SIPA1L1: variants seen among roughly 807,000 people sequenced by gnomAD.
SIPA1L1 encodes signal-induced proliferation-associated 1-like protein 1.
Under a neutral mutation model 162.7 loss-of-function variants are expected in SIPA1L1, and 26 were observed. The ratio of observed to expected loss-of-function variants is 0.16; its 90% CI spans 0.12 to 0.22. The LOEUF is 0.22. Ranked by LOEUF, SIPA1L1 falls within the 10% of genes least tolerant of loss-of-function variation. The pLI, the probability that SIPA1L1 is intolerant of heterozygous loss-of-function variation, is 1.00. For missense variants in SIPA1L1, 1,874 were observed against 2,241.0 expected (o/e 0.84, Z 3.31); for synonymous variants, 829 against 837.4 (o/e 0.99, Z 0.17).
chr14:71,645,852 G>C (rs2042111437), intron 7 of SIPA1L1, among the ~76,000 whole-genome samples: 1 of 152,202 alleles, frequency 6.6e-6, no homozygotes, highest in African/African-American at 2.4e-5. Flanking sequence ...AGATGCTCAA[G>C]AGTTCACAGT....
At chr14:71,409,103 A>G (rs985589268) in intron 2 of SIPA1L1, among the ~76,000 whole-genome samples, 1 of 152,126 alleles carries the variant, frequency 6.6e-6, no homozygotes, top group African/African-American at 2.4e-5. Context: ...CAGGTTCAAC[A>G]TTCTGTTGCT....
At chr14:71,517,988 G>A (rs36052007) in intron 3 of SIPA1L1, among the ~76,000 whole-genome samples, 6 of 151,952 alleles carry the variant, frequency 3.9e-5, no homozygotes, top group Non-Finnish European at 8.8e-5. Flanking sequence ...AGAATGAGGC[G>A]AGCTGCAGTG....
intron 2 of SIPA1L1, among the ~76,000 whole-genome samples, chr14:71,486,151 C>T (rs1468068789): frequency 2.6e-5 from 4 of 152,170 alleles, no homozygotes; most frequent in Non-Finnish European, 5.9e-5. Context: ...TTTTAATACC[C>T]TAAATGTATT....
At chr14:71,341,919 C>T (rs759460246) in intron 2 of SIPA1L1, among the ~76,000 whole-genome samples, 10 of 152,082 alleles carry the variant, frequency 6.6e-5, no homozygotes, top group Non-Finnish European at 1.0e-4. Context: ...ATGAACACCT[C>T]CTTTGATTCC....
At chr14:71,544,682 G>C (rs986885216) in intron 4 of SIPA1L1, among the ~76,000 whole-genome samples, 3 of 151,872 alleles carry the variant, frequency 2.0e-5, no homozygotes, top group African/African-American at 7.3e-5. Flanking sequence ...CTGTTTTCCT[G>C]TTTCTATCTA....
At chr14:71,516,662 A>ACTTTTTT (rs1269447677) in intron 3 of SIPA1L1, among the ~76,000 whole-genome samples, 4 of 150,708 alleles carry the variant, frequency 2.7e-5, no homozygotes, top group Admixed American at 6.6e-5. Context: ...TGTGAGACTT[A>ACTTTTTT]CTTTTTTTAA....
chr14:71,513,945 T>G (rs892769943), intron 3 of SIPA1L1, among the ~76,000 whole-genome samples: 5 of 152,186 alleles, frequency 3.3e-5, no homozygotes, highest in African/African-American at 1.2e-4. Flanking sequence ...CCTCCGCTGT[T>G]GCTCTAAAGG....
intron 2 of SIPA1L1, among the ~76,000 whole-genome samples, chr14:71,384,166 T>C (rs1192336741): frequency 6.6e-6 from 1 of 152,222 alleles, no homozygotes; most frequent in Admixed American, 6.5e-5. Flanking sequence ...TATTGCTGAA[T>C]AAAGATCAGA....
At chr14:71,461,319 C>T (rs952111959) in intron 2 of SIPA1L1, among the ~76,000 whole-genome samples, 1 of 152,178 alleles carries the variant, frequency 6.6e-6, no homozygotes, top group African/African-American at 2.4e-5. Flanking sequence ...CCAGGACAGC[C>T]TTGGTGAGTG....
At chr14:71,703,714 G>T (rs1820605655) in intron 15 of SIPA1L1, among the ~76,000 whole-genome samples, 1 of 152,096 alleles carries the variant, frequency 6.6e-6, no homozygotes, top group Admixed American at 6.6e-5. Flanking sequence ...GCTTTTTTTG[G>T]CTCCTAGTGC....
At chr14:71,697,995 T>G (rs2081780981) in intron 13 of SIPA1L1, among the ~76,000 whole-genome samples, 1 of 151,472 alleles carries the variant, frequency 6.6e-6, no homozygotes, top group African/African-American at 2.4e-5. Context: ...TAGCATGGAG[T>G]GCAGTGGGCT....
At chr14:71,464,841 C>T (rs1343680222) in intron 2 of SIPA1L1, among the ~76,000 whole-genome samples, 1 of 152,134 alleles carries the variant, frequency 6.6e-6, no homozygotes, top group Non-Finnish European at 1.5e-5. Context: ...GTGTAGCGCA[C>T]CCCGTCATGG....
intron 12 of SIPA1L1, among the ~76,000 whole-genome samples, chr14:71,674,296 G>C (rs566590914): frequency 6.6e-6 from 1 of 152,240 alleles, no homozygotes; most frequent in South Asian, 2.1e-4. Context: ...TGGGTGGGAT[G>C]AGACAACAGT....
At chr14:71,644,265 C>T (rs1238551961) in intron 7 of SIPA1L1, among the ~76,000 whole-genome samples, 1 of 152,070 alleles carries the variant, frequency 6.6e-6, no homozygotes, top group Non-Finnish European at 1.5e-5. Context: ...CAGGGTTGCA[C>T]TCTATTGCCC....
At chr14:71,482,721 A>G (rs148768867) in intron 2 of SIPA1L1, among the ~76,000 whole-genome samples, 26 of 152,294 alleles carry the variant, frequency 1.7e-4, no homozygotes, top group Non-Finnish European at 3.5e-4. Context: ...GATCTTATGG[A>G]GATGAGTCCT....
At chr14:71,386,946 A>G (rs1372760134) in intron 2 of SIPA1L1, among the ~76,000 whole-genome samples, 1 of 152,146 alleles carries the variant, frequency 6.6e-6, no homozygotes, top group African/African-American at 2.4e-5. Flanking sequence ...AGTTATGGAT[A>G]GATATTAAAA....
intron 12 of SIPA1L1, among the ~76,000 whole-genome samples, chr14:71,676,382 TC>T (rs2045181066): frequency 6.6e-6 from 1 of 151,758 alleles, no homozygotes; most frequent in Non-Finnish European, 1.5e-5. Flanking sequence ...ATGAATCGTT[TC>T]CAAACTACAA....
intron 8 of SIPA1L1, among the ~76,000 whole-genome samples, chr14:71,653,319 G>A (rs1294785796): frequency 8.5e-5 from 13 of 152,122 alleles, no homozygotes; most frequent in Non-Finnish European, 1.9e-4. Context: ...TTCGTTGGTA[G>A]TTGTTCTTTC....
intron 5 of SIPA1L1, among the ~76,000 whole-genome samples, chr14:71,618,476 G>C (rs985955502): frequency 6.6e-6 from 1 of 152,186 alleles, no homozygotes; most frequent in Non-Finnish European, 1.5e-5. Flanking sequence ...GTGGGAGATA[G>C]GGAGAAAATA....
Sources: gnomAD v4.1 joint callset for allele counts (sites outside exome capture counted in the v4.1 genomes callset) on GRCh38, gnomAD v4.1.1 for gene constraint, MANE v1.5 for transcripts, NCBI Gene and HGNC (gene_info 2026-07-23, HGNC 2026-07-21) for gene names.